The following AFAP1 variants were observed in gnomAD, a reference collection of about 807,000 sequenced individuals.
The protein encoded by AFAP1 is actin filament-associated protein 1.
In AFAP1, 75 loss-of-function variants were observed where a neutral mutation model predicts 93.9. The ratio of observed to expected loss-of-function variants is 0.80; its 90% CI spans 0.66 to 0.97. The LOEUF is 0.97. AFAP1 is among the 50% of genes least tolerant of loss of function. The pLI is 0.00. For synonymous variants in AFAP1, 517 were observed against 430.7 expected (o/e 1.20, Z -2.48); for missense variants, 1,201 against 1,050.8 (o/e 1.14, Z -1.98).
chr4:7,937,653 A>C (rs1431141020), intron 1 of AFAP1, among the ~76,000 whole-genome samples: 1 of 152,024 alleles, frequency 6.6e-6, no homozygotes, highest in Admixed American at 6.6e-5. Flanking sequence ...TGCCCGGCTA[A>C]TTTTTGTATT....
intron 1 of AFAP1, among the ~76,000 whole-genome samples, chr4:7,911,069 C>T (rs1212455255): frequency 6.6e-6 from 1 of 152,206 alleles, no homozygotes; most frequent in Non-Finnish European, 1.5e-5. Flanking sequence ...GGACACACAG[C>T]CCATCTGTCT....
chr4:7,794,873 T>A (rs1232818928), intron 10 of AFAP1, among the ~76,000 whole-genome samples: 2 of 152,132 alleles, frequency 1.3e-5, no homozygotes, highest in African/African-American at 4.8e-5. Context: ...ACATTTTTAG[T>A]GGTATTTGAA....
intron 5 of AFAP1, among the ~76,000 whole-genome samples, chr4:7,841,280 G>T (rs187878378): frequency 7.2e-6 from 1 of 138,742 alleles, no homozygotes; most frequent in East Asian, 2.1e-4. Flanking sequence ...GCTGCCCAGT[G>T]AGTCTGGGTC....
At chr4:7,813,879 G>T (rs1399374863) in intron 8 of AFAP1, among the ~76,000 whole-genome samples, 1 of 152,160 alleles carries the variant, frequency 6.6e-6, no homozygotes, top group South Asian at 2.1e-4. Flanking sequence ...TTGGTTTAAG[G>T]TGATTTCACC....
intron 11 of AFAP1, 87 bp from the exon 12 acceptor site, chr4:7,786,398 C>A: frequency 8.9e-7 from 1 of 1,121,502 alleles, no homozygotes; most frequent in South Asian, 1.3e-5. Flanking sequence ...TGACTTTATG[C>A]CCAAGGCTAT....
chr4:7,807,368 A>G (rs1302550501), intron 9 of AFAP1, among the ~76,000 whole-genome samples: 1 of 152,194 alleles, frequency 6.6e-6, no homozygotes, highest in Non-Finnish European at 1.5e-5. Context: ...GCTCCAAGAA[A>G]GGCAGAGGTC....
chr4:7,798,218 A>G (rs1468246618), intron 10 of AFAP1, among the ~76,000 whole-genome samples: 3 of 138,106 alleles, frequency 2.2e-5, no homozygotes, highest in Non-Finnish European at 3.1e-5. Flanking sequence ...CGGCACTGCA[A>G]CTCTATTGGC....
chr4:7,765,643 C>T (rs541855401), intron 17 of AFAP1, among the ~76,000 whole-genome samples: 1 of 152,286 alleles, frequency 6.6e-6, no homozygotes, highest in Non-Finnish European at 1.5e-5. Flanking sequence ...AAAGAGGAGG[C>T]AAAAGAGCAG....
At chr4:7,853,842 TGTGATTGGAGA>T (rs970452836) in intron 4 of AFAP1, among the ~76,000 whole-genome samples, 4 of 152,098 alleles carry the variant, frequency 2.6e-5, no homozygotes, top group African/African-American at 7.2e-5. Context: ...ACGGCAGACG[TGTGATTGGAGA>T]AGCCACTGTG....
chr4:7,793,846 G>C lies in AFAP1; in HGVS notation c.1267-20C>G, dbSNP rs1718130316. 1.3e-6 allele frequency: 2 copies of C among 1,509,494 alleles called. No individual in the cohort carries two copies. The highest frequency in any genetic ancestry group is 3.7e-5 in the Admixed American group (2 of 53,454). 93.5% of individuals were successfully genotyped at this position (1,509,494 alleles called of 1,614,324 possible). A position where few individuals can be genotyped will look rare whatever the true frequency, so the allele number is the denominator to read the frequency against. Reference sequence around the variant, plus strand: ...AGATGCCTGTTGAAGTGGGAAAAAAGGTAGGCTGTATTTAACTAAAGATTT... The same window carrying C: ...AGATGCCTGTTGAAGTGGGAAAAAACGTAGGCTGTATTTAACTAAAGATTT... On this transcript the variant is annotated intron_variant, in intron 10 of 17. Transcript: ENST00000420658.
At chr4:7,771,439 A>C (rs1715427647) in intron 16 of AFAP1, among the ~76,000 whole-genome samples, 1 of 152,146 alleles carries the variant, frequency 6.6e-6, no homozygotes, top group Admixed American at 6.5e-5. Context: ...ATGTTGAATG[A>C]ATATATGATT....
At chr4:7,933,598 T>C (rs188636248) in intron 1 of AFAP1, among the ~76,000 whole-genome samples, 2 of 152,204 alleles carry the variant, frequency 1.3e-5, no homozygotes, top group South Asian at 2.1e-4. Context: ...AAAAAGGGTA[T>C]AGAACTTTCT....
At chr4:7,895,880 C>T (rs968794845) in intron 1 of AFAP1, among the ~76,000 whole-genome samples, 8 of 103,676 alleles carry the variant, frequency 7.7e-5, no homozygotes, top group East Asian at 2.5e-4. Flanking sequence ...TTTTTTAAGA[C>T]GGGAGTTTCA....
chr4:7,874,382 G>T (rs867018644), intron 1 of AFAP1, among the ~76,000 whole-genome samples: 2,065 of 31,470 alleles, frequency 0.066, 34 homozygotes, highest in Admixed American at 0.1. Context: ...TTTTTTTTTT[G>T]AGACAGAGTC....
At chr4:7,785,762 T>G (rs1354867481) in intron 12 of AFAP1, among the ~76,000 whole-genome samples, 1 of 151,912 alleles carries the variant, frequency 6.6e-6, no homozygotes, top group Non-Finnish European at 1.5e-5. Context: ...TATAGGGAGA[T>G]CCCATCTCTA....
At chr4:7,889,690 G>T (rs980440433) in intron 1 of AFAP1, among the ~76,000 whole-genome samples, 2 of 107,212 alleles carry the variant, frequency 1.9e-5, no homozygotes, top group African/African-American at 6.3e-5. Flanking sequence ...TCAATGAAGC[G>T]TTTTTTTTTT....
intron 11 of AFAP1, among the ~76,000 whole-genome samples, chr4:7,793,172 T>TAA (rs1560161606): frequency 0.012 from 1,622 of 131,606 alleles, 28 homozygotes; most frequent in East Asian, 0.038. Context: ...ATTTTTTTTT[T>TAA]TAAAAAAATC....
At chr4:7,822,899 TC>T (rs1721099767) in intron 6 of AFAP1, among the ~76,000 whole-genome samples, 1 of 143,042 alleles carries the variant, frequency 7.0e-6, no homozygotes, top group Admixed American at 6.9e-5. Flanking sequence ...GGCCCCTCTT[TC>T]TTTTTTTTTT....
At chr4:7,830,265 A>C (rs1721772864) in intron 6 of AFAP1, among the ~76,000 whole-genome samples, 3 of 149,102 alleles carry the variant, frequency 2.0e-5, no homozygotes, top group African/African-American at 2.5e-5. Flanking sequence ...GGAGAAGGGA[A>C]TTGTACAAAT....
Sources: gnomAD v4.1 joint callset for allele counts (sites outside exome capture counted in the v4.1 genomes callset) on GRCh38, gnomAD v4.1.1 for gene constraint, MANE v1.5 for transcripts, NCBI Gene and HGNC (gene_info 2026-07-23, HGNC 2026-07-21) for gene names.